The following PAM variants were observed in gnomAD, a reference collection of about 807,000 sequenced individuals.
PAM encodes peptidyl-glycine alpha-amidating monooxygenase.
PAM carries 72 observed loss-of-function variants against 122.1 expected under a neutral mutation model. The observed-to-expected ratio is 0.59, with a 90% CI of 0.49 to 0.72. PAM has a LOEUF of 0.72. Among genes scored for constraint, PAM ranks in the 30% least tolerant of loss-of-function variants. The probability of loss-of-function intolerance (pLI) is 0.00; values close to 1 mark genes in which losing one functional copy is unlikely to be tolerated. For synonymous variants in PAM, 389 were observed against 404.4 expected, an observed-to-expected ratio of 0.96 and a Z score of 0.46; for missense variants, 1,106 against 1,183.7, an observed-to-expected ratio of 0.93 and a Z score of 0.96.
intron 1 of PAM, among the ~76,000 whole-genome samples, chr5:102,822,200 C>T (rs905889027): frequency 3.3e-5 from 5 of 152,158 alleles, no homozygotes; most frequent in Non-Finnish European, 5.9e-5. Context: ...TATTGTTGTA[C>T]ATTTGTATGA....
intron 1 of PAM, among the ~76,000 whole-genome samples, chr5:102,845,889 A>G (rs1779828929): frequency 6.6e-6 from 1 of 152,204 alleles, no homozygotes; most frequent in Admixed American, 6.5e-5. Context: ...TGGTATTTCA[A>G]AATGTAAGCT....
chr5:102,816,314 G>T (rs1339336959), intron 1 of PAM, among the ~76,000 whole-genome samples: 1 of 152,118 alleles, frequency 6.6e-6, no homozygotes, highest in Non-Finnish European at 1.5e-5. Context: ...TGGGCTCAGA[G>T]AATTAAGGCA....
intron 1 of PAM, among the ~76,000 whole-genome samples, chr5:102,792,612 T>A (rs894832564): frequency 6.6e-6 from 1 of 152,214 alleles, no homozygotes; most frequent in Admixed American, 6.5e-5. Flanking sequence ...GGCAGTGTAA[T>A]AACATGAAAG....
intron 25 of PAM, 23 bp downstream of exon 25, chr5:103,028,261 C>T (rs1187579942): frequency 1.3e-6 from 2 of 1,535,448 alleles, no homozygotes; most frequent in Non-Finnish European, 9.0e-7. Context: ...CCTTTTAGAA[C>T]CCTTCATGTT....
At chr5:102,999,607 C>T (rs1776767949) in intron 16 of PAM, among the ~76,000 whole-genome samples, 1 of 152,216 alleles carries the variant, frequency 6.6e-6, no homozygotes, top group Non-Finnish European at 1.5e-5. Flanking sequence ...AAAACTTCTT[C>T]CTGGACCTCC....
chr5:102,763,109 G>A (rs552640275), intron 1 of PAM, among the ~76,000 whole-genome samples: 26 of 152,234 alleles, frequency 1.7e-4, no homozygotes, highest in Non-Finnish European at 2.6e-4. Flanking sequence ...ACTAGTTCTT[G>A]TCTAGTTCCC....
intron 3 of PAM, among the ~76,000 whole-genome samples, chr5:102,878,675 T>A (rs898390773): frequency 2.0e-5 from 3 of 151,938 alleles, no homozygotes; most frequent in Non-Finnish European, 4.4e-5. Context: ...TCTTGACCTG[T>A]GCAGGCCTAG....
intron 1 of PAM, among the ~76,000 whole-genome samples, chr5:102,855,937 A>T (rs1369429550): frequency 2.4e-4 from 37 of 152,196 alleles, no homozygotes; most frequent in Admixed American, 2.2e-3. Context: ...AGTACAAAGC[A>T]TTAATGCAAA....
intron 7 of PAM, among the ~76,000 whole-genome samples, chr5:102,941,091 C>T (rs1049419336): frequency 1.3e-5 from 2 of 152,182 alleles, no homozygotes; most frequent in Non-Finnish European, 2.9e-5. Context: ...ACTGTAGACT[C>T]ATATTTTTTT....
intron 16 of PAM, among the ~76,000 whole-genome samples, chr5:102,998,588 A>G (rs1456944843): frequency 6.6e-6 from 1 of 152,200 alleles, no homozygotes; most frequent in Admixed American, 6.5e-5. Context: ...CCAAGGAAAT[A>G]AACTAAGAAT....
At position 102,928,018 on chromosome 5, in the gene PAM, C is replaced by T. The variant is rs77798047; in HGVS notation, c.526+1350C>T. Among the ~76,000 whole-genome samples the T allele has an allele frequency of 4.2e-3, 640 of 152,218 alleles. 6 individuals are homozygous for T. Among genetic ancestry groups the T allele is most frequent in the African/African-American group, 0.014 (569 of 41,556 alleles). ...TTATCTGCTCTAAAAATTGACCATG[C>T]TGGTTTCAGTAGAACAGACAGATTG... On this transcript the variant is annotated intron_variant, in intron 7 of 25. Transcript: ENST00000438793.
intron 7 of PAM, among the ~76,000 whole-genome samples, chr5:102,938,163 A>G (rs192032379): frequency 4.7e-4 from 72 of 152,276 alleles, no homozygotes; most frequent in Non-Finnish European, 1.0e-4. Flanking sequence ...ATTATCCTTC[A>G]GTATTTTTTT....
downstream of PAM, chr5:103,030,199 G>A (rs566806857): frequency 2.0e-5 from 3 of 152,356 alleles, no homozygotes; most frequent in South Asian, 6.2e-4. Context: ...CAAGGCTGCA[G>A]TGAGCTATGA....
intron 15 of PAM, among the ~76,000 whole-genome samples, chr5:102,988,716 A>G (rs61295234): frequency 0.33 from 47,960 of 146,340 alleles, 7,979 homozygotes; most frequent in East Asian, 0.44. Flanking sequence ...AGAAAGAAAG[A>G]AAAGAAAAAA....
intron 1 of PAM, among the ~76,000 whole-genome samples, chr5:102,818,608 C>T (rs1280757005): frequency 1.3e-5 from 2 of 151,996 alleles, no homozygotes; most frequent in African/African-American, 2.4e-5. Context: ...TCCAGTATGC[C>T]CTTCCCTCTG....
chr5:102,801,939 C>G (rs996529596), intron 1 of PAM, among the ~76,000 whole-genome samples: 3 of 150,682 alleles, frequency 2.0e-5, no homozygotes, highest in African/African-American at 7.3e-5. Flanking sequence ...CCACCACGCC[C>G]GGCTAATTTT....
At chr5:102,838,716 A>G (rs573930626) in intron 1 of PAM, 27 of 152,316 alleles carry the variant, frequency 1.8e-4, no homozygotes, top group African/African-American at 6.5e-4. Context: ...AGAAGGAAAC[A>G]GTGAGGAGAA....
chr5:102,790,140 A>G (rs1407811491), intron 1 of PAM, among the ~76,000 whole-genome samples: 1 of 152,138 alleles, frequency 6.6e-6, no homozygotes, highest in Non-Finnish European at 1.5e-5. Flanking sequence ...GTGCAAAATA[A>G]TCAGCTTAAC....
At chr5:102,864,184 A>ATTT (rs201056087) in intron 1 of PAM, among the ~76,000 whole-genome samples, 246 of 133,680 alleles carry the variant, frequency 1.8e-3, no homozygotes, top group African/African-American at 6.5e-3. Context: ...ATATATATAT[A>ATTT]TTTTTTTTTT....
Sources: allele counts gnomAD v4.1 joint callset (sites outside exome capture counted in the v4.1 genomes callset), GRCh38; gene constraint gnomAD v4.1.1; transcripts MANE v1.5; gene names NCBI Gene and HGNC (gene_info 2026-07-23, HGNC 2026-07-21).